The following APOBEC4 variants were observed in gnomAD, a reference collection of about 807,000 sequenced individuals.
APOBEC4 encodes apolipoprotein B mRNA editing enzyme catalytic polypeptide like 4.
For missense variants in APOBEC4, 375 were observed against 441.2 expected, an observed-to-expected ratio of 0.85 and a Z score of 1.34; for synonymous variants, 141 against 154.2, an observed-to-expected ratio of 0.91 and a Z score of 0.63.
rs780687879 is a variant in APOBEC4 at position 183,647,675 on chromosome 1, A to AT, written c.*2dup. 8 of 1,590,284 alleles carry AT rather than the reference A, an allele frequency of 5.0e-6. No individual in the cohort carries two copies. Among genetic ancestry groups the AT allele is most frequent in the Non-Finnish European group, 6.9e-6 (8 of 1,165,872 alleles). ...TTGGTTTCATGCTGTAGGAATGTAG[A>AT]TTTTATTTCTTCCCTTTCTTCTTCT... On this transcript the variant is annotated 3_prime_UTR_variant, in exon 2 of 2. Coordinates refer to ENST00000308641, the MANE Select transcript of APOBEC4 (RefSeq NM_203454.3).
In APOBEC4 at chr1:183,648,337, T is replaced by G; in HGVS notation, c.445A>C (p.Thr149Pro). 6.2e-7 allele frequency: 1 copy of G among 1,614,044 alleles called. No individual in the cohort carries two copies. Among genetic ancestry groups the G allele is most frequent in the Non-Finnish European group, 8.5e-7 (1 of 1,180,004 alleles). The change falls in exon 2 of 2, where the codon ACT becomes CCT. Residue 149 changes from threonine to proline, a missense_variant. Transcript: ENST00000308641. Reference sequence around the variant, plus strand: ...AGCTGAGAAAAATAAATACTAAGAGTGATGCCTGGATACGTAATCAGGAAA... The same window carrying G: ...AGCTGAGAAAAATAAATACTAAGAGGGATGCCTGGATACGTAATCAGGAAA... ...YNFLITYPGI[T>P]LSIYFSQLYH...
At chr1:183,649,809 A>G (rs1650585268) in intron 1 of APOBEC4, among the ~76,000 whole-genome samples, 1 of 152,202 alleles carries the variant, frequency 6.6e-6, no homozygotes, top group South Asian at 2.1e-4. Context: ...ATGCTCTAGG[A>G]GCTACCTATT....
intron 1 of APOBEC4, among the ~76,000 whole-genome samples, chr1:183,652,249 C>T (rs796192270): frequency 4.6e-5 from 7 of 152,218 alleles, no homozygotes; most frequent in Admixed American, 1.3e-4. Flanking sequence ...TTTCTAAGCA[C>T]GCCTTCCTTT....
rs919432957 is a variant in APOBEC4, at chr1:183,653,152, C to T, written c.-111G>A. 1 of 152,116 alleles carries T rather than the reference C, an allele frequency of 6.6e-6. No homozygotes were observed. Among genetic ancestry groups the T allele is most frequent in the Non-Finnish European group, 1.5e-5 (1 of 68,046 alleles). The allele number at this position is 152,116 out of a possible 1,614,324, so 9.4% of individuals were successfully genotyped here. Reference sequence around the variant, plus strand: ...TTTCCTTTTTTTTCTCCTTTAAGTCCCATGCCCTGTTTCAAGTAGCTTCAG... The same window carrying T: ...TTTCCTTTTTTTTCTCCTTTAAGTCTCATGCCCTGTTTCAAGTAGCTTCAG... On this transcript the variant is annotated 5_prime_UTR_variant, in exon 1 of 2. Transcript: ENST00000308641.
At position 183,647,908 on chromosome 1, in the gene APOBEC4, C is replaced by T. The variant is rs770238753; in HGVS notation, c.874G>A (p.Val292Ile). ...TCCCTGAGAGGCACTAGCACAAAAA[C>T]AACAGGAGCCCTGAGGTCTGGAGGT... ...NLPPDLRAPV[V>I]FVLVPLRDLP... is the part of the protein sequence containing the mutation. The change falls in exon 2 of 2, where the codon GTT becomes ATT. Residue 292 changes from valine to isoleucine, a missense_variant. Coordinates refer to ENST00000308641, the MANE Select transcript of APOBEC4 (RefSeq NM_203454.3). The T allele has an allele frequency of 6.2e-7, 1 of 1,614,164 alleles. No homozygotes were observed.
intron 1 of APOBEC4, among the ~76,000 whole-genome samples, chr1:183,652,416 A>G (rs149813623): frequency 2.5e-4 from 38 of 152,282 alleles, no homozygotes; most frequent in Admixed American, 9.8e-4. Context: ...ATAGTTTCCT[A>G]TTGGTGAAGT....
chr1:183,652,821 C>A (rs115692733), intron 1 of APOBEC4, among the ~76,000 whole-genome samples: 3 of 151,936 alleles, frequency 2.0e-5, no homozygotes, highest in Admixed American at 6.6e-5. Context: ...TAGAGCCCAG[C>A]GTGCTGGAGG....
At position 183,650,314 on chromosome 1, in the gene APOBEC4, T is replaced by C. The variant is rs1650633628; in HGVS notation, c.-30-1503A>G. On this transcript the variant is annotated intron_variant, in intron 1 of 1. Transcript: ENST00000308641. ...ATCCCAGCACTTTGGGAGGCCAGGGTGGGCGGATCATGAGGTCAGGAGATG... is the reference window on the plus strand; with the variant it reads ...ATCCCAGCACTTTGGGAGGCCAGGGCGGGCGGATCATGAGGTCAGGAGATG... Among the ~76,000 whole-genome samples, 3 of 152,030 alleles carry C rather than the reference T, an allele frequency of 2.0e-5. No homozygotes were observed. In the South Asian group the frequency reaches 6.2e-4, roughly 32 times the overall value.
rs977275340 is a variant in APOBEC4 at position 183,648,888 on chromosome 1, A to G, written c.-30-77T>C. ...ACAGTGCATTAATTTATTAAACCAT[A>G]CTTTCTTTAAAGGAAGTAGCACAAT... On this transcript the variant is annotated intron_variant, in intron 1 of 1. Transcript: ENST00000308641. 7.9e-6 allele frequency: 7 copies of G among 890,506 alleles called. No homozygotes were observed. The East Asian group carries it at 1.7e-4, about 22-fold the overall frequency. 55.2% of individuals were successfully genotyped at this position (890,506 alleles called of 1,614,324 possible). A position where few individuals can be genotyped will look rare whatever the true frequency, so the allele number is the denominator to read the frequency against.
chr1:183,650,091 G>A (rs1014477478), intron 1 of APOBEC4, among the ~76,000 whole-genome samples: 1 of 152,122 alleles, frequency 6.6e-6, no homozygotes, highest in African/African-American at 2.4e-5. Context: ...GGGATTACAG[G>A]TGTGAACCAC....
chr1:183,650,873 G>GC (rs1650700899), intron 1 of APOBEC4, among the ~76,000 whole-genome samples: 1 of 151,974 alleles, frequency 6.6e-6, no homozygotes, highest in South Asian at 2.1e-4. Context: ...TATAATGTGT[G>GC]CCTTTATTAT....
chr1:183,651,633 C>T (rs1156464207), intron 1 of APOBEC4, among the ~76,000 whole-genome samples: 1 of 152,198 alleles, frequency 6.6e-6, no homozygotes, highest in African/African-American at 2.4e-5. Flanking sequence ...ACATACCCAC[C>T]AGATTCTAGA....
In APOBEC4 at chr1:183,648,414, T is replaced by G; in HGVS notation, c.368A>C (p.Asn123Thr). Residue 123 changes from asparagine to threonine, a missense_variant, in exon 2 of 2, where the codon AAC (asparagine) becomes ACC (threonine). Physicochemically the swap from Asn to Thr is moderately conservative, Grantham distance 65. Coordinates refer to ENST00000308641, the MANE Select transcript of APOBEC4 (RefSeq NM_203454.3). ...DSIRHIILYS[N>T]NSPCNEANHC... ...GTTAGCTTCATTACAAGGGGAGTTG[T>G]TGGAATACAGAATGATATGCCTGAT... The G allele has an allele frequency of 6.2e-7, 1 of 1,614,236 alleles. No individual in the cohort carries two copies. The highest frequency in any genetic ancestry group is 1.1e-5 in the South Asian group (1 of 91,086).
In APOBEC4 at chr1:183,648,153, A is replaced by G. The variant is rs147640407; in HGVS notation, c.629T>C (p.Val210Ala). Residue 210 changes from valine (V) to alanine (A), a missense_variant, in exon 2 of 2, where the codon GTT becomes GCT. Coordinates refer to ENST00000308641, the MANE Select transcript of APOBEC4 (RefSeq NM_203454.3). ...TCTCCCAGTTAAAATGGGCTGAAAA[A>G]CATGTGATCCTGAGACACCACTTAT... ...SFISGVSGSH[V>A]FQPILTGRAL... 1,557 of 1,614,176 alleles carry G rather than the reference A, an allele frequency of 9.6e-4. 7 individuals carry two copies. The highest frequency in any genetic ancestry group is 5.3e-3 in the African/African-American group (397 of 75,032).
intron 1 of APOBEC4, among the ~76,000 whole-genome samples, chr1:183,652,206 A>G (rs1440294403): frequency 6.6e-6 from 1 of 152,198 alleles, no homozygotes; most frequent in Non-Finnish European, 1.5e-5. Flanking sequence ...GTGTTTTTAG[A>G]TAAAGGTAGC....
chr1:183,649,723 A>C (rs1167590402), intron 1 of APOBEC4, among the ~76,000 whole-genome samples: 1 of 152,252 alleles, frequency 6.6e-6, no homozygotes, highest in Non-Finnish European at 1.5e-5. Flanking sequence ...TGGGATGTTA[A>C]ACTCAAAAAG....
In APOBEC4 at chr1:183,647,844, G is replaced by T. The variant is rs1449241138; in HGVS notation, c.938C>A (p.Pro313His). The change falls in exon 2 of 2, where the codon CCC becomes CAC. Residue 313 changes from proline to histidine, a missense_variant. Transcript: ENST00000308641. ...ATTTAAGTGCCTTACGATATTCCTG[G>T]GTTTATTTGGGTTTTGGCCCATATG... Reference protein sequence around the residue: ...PMHMGQNPNKPRNIVRHLNMP... With the variant: ...PMHMGQNPNKHRNIVRHLNMP... 3 of 1,614,002 alleles carry T rather than the reference G, an allele frequency of 1.9e-6. No homozygotes were observed. The highest frequency in any genetic ancestry group is 1.3e-5 in the African/African-American group (1 of 74,906).
chr1:183,647,579 T>C lies in APOBEC4; in HGVS notation c.*99A>G. ...TTTGCTTTTAGTGCATCAGTTTATC[T>C]CCATCTTGGCTCAGCCCTGAGAGAG... On this transcript the variant is annotated 3_prime_UTR_variant, in exon 2 of 2. Coordinates refer to ENST00000308641, the MANE Select transcript of APOBEC4 (RefSeq NM_203454.3). 1 of 1,477,238 alleles carries C rather than the reference T, an allele frequency of 6.8e-7. No homozygotes were observed. Among genetic ancestry groups the C allele is most frequent in the Non-Finnish European group, 8.9e-7 (1 of 1,118,096 alleles). 91.5% of individuals were successfully genotyped at this position (1,477,238 alleles called of 1,614,324 possible). A position where few individuals can be genotyped will look rare whatever the true frequency, so the allele number is the denominator to read the frequency against.
chr1:183,652,459 C>A (rs1015666679), intron 1 of APOBEC4, among the ~76,000 whole-genome samples: 3 of 152,192 alleles, frequency 2.0e-5, no homozygotes, highest in Non-Finnish European at 4.4e-5. Flanking sequence ...TGGGCTTGTT[C>A]TTTGATCACC....
Sources: gnomAD v4.1 joint callset for allele counts (sites outside exome capture counted in the v4.1 genomes callset) on GRCh38, gnomAD v4.1.1 for gene constraint, MANE v1.5 for transcripts, NCBI Gene and HGNC (gene_info 2026-07-23, HGNC 2026-07-21) for gene names.